ANKRD29: variants seen among roughly 807,000 people sequenced by gnomAD.
The protein encoded by ANKRD29 is ankyrin repeat domain 29, also known as ankyrin repeat domain-containing protein 29.
Under a neutral mutation model 38.0 loss-of-function variants are expected in ANKRD29, and 32 were observed. The observed-to-expected ratio is 0.84, with a 90% CI of 0.64 to 1.13. ANKRD29 has a LOEUF of 1.13. ANKRD29 is among the 50% of genes most tolerant of loss of function. The pLI is 0.00. For missense variants in ANKRD29, 357 were observed against 377.9 expected (o/e 0.94, Z 0.46); for synonymous variants, 135 against 152.4 (o/e 0.89, Z 0.84).
chr18:23,650,377 C>G (rs759268432), intron 1 of ANKRD29, among the ~76,000 whole-genome samples: 2 of 152,058 alleles, frequency 1.3e-5, no homozygotes, highest in African/African-American at 2.4e-5. Context: ...CTCCTGGGCT[C>G]AAGCAATCTA....
intron 9 of ANKRD29, among the ~76,000 whole-genome samples, chr18:23,605,809 G>T (rs1046707418): frequency 2.0e-5 from 3 of 152,082 alleles, no homozygotes; most frequent in Non-Finnish European, 4.4e-5. Flanking sequence ...TTACAGGCAT[G>T]AGCCACCGCA....
At chr18:23,614,955 A>G (rs1189993188) in intron 8 of ANKRD29, among the ~76,000 whole-genome samples, 1 of 152,214 alleles carries the variant, frequency 6.6e-6, no homozygotes, top group Non-Finnish European at 1.5e-5. Flanking sequence ...AAACAGGAGC[A>G]TTATATCTCA....
chr18:23,633,425 T>G (rs1009371298), intron 5 of ANKRD29, among the ~76,000 whole-genome samples: 2 of 152,224 alleles, frequency 1.3e-5, no homozygotes, highest in African/African-American at 4.8e-5. Flanking sequence ...TTTCAGCAAG[T>G]CCATATGCTG....
At chr18:23,602,523 G>A (rs2059527360) in intron 9 of ANKRD29, among the ~76,000 whole-genome samples, 1 of 152,162 alleles carries the variant, frequency 6.6e-6, no homozygotes, top group South Asian at 2.1e-4. Flanking sequence ...ATTGACAACA[G>A]GTGTGATGTG....
rs1568017089 is a variant in ANKRD29 at position 23,619,622 on chromosome 18, G to A, written c.536C>T (p.Thr179Ile). Reference protein sequence around the residue: ...AKVNQPRQDGTAPLWIASQMG... With the variant: ...AKVNQPRQDGIAPLWIASQMG... ...CTGGGACGCGATCCACAGGGGCGCT[G>A]TCCCGTCCTGCGGGAAGAGGAGGCG... Residue 179 changes from threonine to isoleucine, a missense_variant, in exon 7 of 10, where the codon ACA becomes ATA. Transcript: ENST00000592179. 6.3e-7 allele frequency: 1 copy of A among 1,582,370 alleles called. No individual in the cohort carries two copies. Among genetic ancestry groups the A allele is most frequent in the African/African-American group, 1.3e-5 (1 of 74,172 alleles).
chr18:23,649,351 T>C, intron 1 of ANKRD29, 158 bp from the exon 2 acceptor site: 2 of 707,226 alleles, frequency 2.8e-6, no homozygotes, highest in Non-Finnish European at 5.1e-6. Context: ...AATAACAGAA[T>C]GAACTCTGTT....
intron 5 of ANKRD29, among the ~76,000 whole-genome samples, chr18:23,633,825 T>A (rs1425514870): frequency 6.6e-6 from 1 of 152,036 alleles, no homozygotes; most frequent in Non-Finnish European, 1.5e-5. Flanking sequence ...CACCTCGGCC[T>A]CCCAAAGTGC....
chr18:23,618,202 T>C (rs1431972527), intron 7 of ANKRD29, among the ~76,000 whole-genome samples: 7 of 152,236 alleles, frequency 4.6e-5, no homozygotes, highest in Admixed American at 3.9e-4. Flanking sequence ...CTGTCTTTAA[T>C]AATTTAGATC....
chr18:23,646,958 G>A (rs926667651), intron 2 of ANKRD29: 2 of 152,184 alleles, frequency 1.3e-5, no homozygotes, highest in Non-Finnish European at 2.9e-5. Flanking sequence ...AATTGAAGTG[G>A]GCATTTGCAG....
At chr18:23,624,218 C>T (rs1368006811) in intron 6 of ANKRD29, among the ~76,000 whole-genome samples, 1 of 151,492 alleles carries the variant, frequency 6.6e-6, no homozygotes, top group Non-Finnish European at 1.5e-5. Context: ...GTAATCCCAG[C>T]ACTTTGGGAG....
chr18:23,607,118 T>C (rs577995937), intron 9 of ANKRD29, among the ~76,000 whole-genome samples: 2 of 152,288 alleles, frequency 1.3e-5, no homozygotes, highest in Non-Finnish European at 2.9e-5. Context: ...TTAGGAATTG[T>C]AAGTTTGTCA....
At chr18:23,653,623 T>TCTCCC (rs1025421492) in intron 1 of ANKRD29, among the ~76,000 whole-genome samples, 9 of 147,676 alleles carry the variant, frequency 6.1e-5, no homozygotes, top group Admixed American at 4.1e-4. Flanking sequence ...CCTTCCCTCT[T>TCTCCC]CTCCCCTCCC....
In ANKRD29 at chr18:23,619,633, C is replaced by T. The variant is rs767963103; in HGVS notation, c.529-4G>A. 9.0e-6 allele frequency: 14 copies of T among 1,558,316 alleles called. No homozygotes were observed. Among genetic ancestry groups the T allele is most frequent in the South Asian group, 5.9e-5 (5 of 85,434 alleles). ...TCCACAGGGGCGCTGTCCCGTCCTG[C>T]GGGAAGAGGAGGCGGCGGCCGCCGT... is the stretch of plus-strand genomic sequence containing the variant. On this transcript the variant is annotated splice_polypyrimidine_tract_variant and splice_region_variant and intron_variant, in intron 6 of 9. Transcript: ENST00000592179.
chr18:23,649,314 A>G, intron 1 of ANKRD29, 121 bp from the exon 2 acceptor site: 1 of 793,294 alleles, frequency 1.3e-6, no homozygotes, highest in Non-Finnish European at 2.1e-6. Context: ...CATTTGAAAG[A>G]TTGATCCTCC....
At chr18:23,604,650 C>A (rs1054039136) in intron 9 of ANKRD29, among the ~76,000 whole-genome samples, 4 of 152,152 alleles carry the variant, frequency 2.6e-5, no homozygotes, top group Non-Finnish European at 4.4e-5. Context: ...CCTGCCTCAG[C>A]CTCCCGAGTA....
intron 5 of ANKRD29, among the ~76,000 whole-genome samples, chr18:23,632,529 G>GTATATATATATATATATATATATA (rs1319966480): frequency 5.6e-4 from 38 of 68,132 alleles, no homozygotes; most frequent in African/African-American, 1.3e-3. Flanking sequence ...GTGTGTGTGT[G>GTATATATATATATATATATATATA]TGTGTATATA....
intron 7 of ANKRD29, among the ~76,000 whole-genome samples, chr18:23,618,379 T>C (rs1480555993): frequency 6.6e-6 from 1 of 152,186 alleles, no homozygotes; most frequent in Non-Finnish European, 1.5e-5. Flanking sequence ...TCTAGCACTT[T>C]GGAAGGCCAA....
intron 6 of ANKRD29, chr18:23,619,962 T>C (rs2059776123): frequency 1.0e-5 from 3 of 288,250 alleles, no homozygotes; most frequent in Admixed American, 4.9e-5. Flanking sequence ...CGTGGGAACC[T>C]TGCTTTGAAG....
chr18:23,631,728 C>T (rs1291545030), intron 5 of ANKRD29, among the ~76,000 whole-genome samples: 1 of 152,162 alleles, frequency 6.6e-6, no homozygotes, highest in African/African-American at 2.4e-5. Context: ...GAGCAAGTGC[C>T]CCTTTTCCAG....
Sources: allele counts gnomAD v4.1 joint callset (sites outside exome capture counted in the v4.1 genomes callset), GRCh38; gene constraint gnomAD v4.1.1; transcripts MANE v1.5; gene names NCBI Gene and HGNC (gene_info 2026-07-23, HGNC 2026-07-21).